The following SMG1 variants were observed in gnomAD, a reference collection of about 807,000 sequenced individuals.
The protein encoded by SMG1 is SMG1 nonsense mediated mRNA decay associated PI3K related kinase, also known as serine/threonine-protein kinase SMG1.
SMG1 carries 22 observed loss-of-function variants against 419.9 expected under a neutral mutation model. The ratio of observed to expected loss-of-function variants is 0.05; its 90% confidence interval spans 0.04 to 0.07. SMG1 has a LOEUF of 0.07. SMG1 is among the 10% of genes least tolerant of loss of function. SMG1 has a pLI of 1.00. For synonymous variants in SMG1, 1,538 were observed against 1,553.5 expected (o/e 0.99, Z 0.23); for missense variants, 3,185 against 4,342.0 (o/e 0.73, Z 7.49).
At chr16:18,903,744 T>C (rs2037441173) in intron 1 of SMG1, among the ~76,000 whole-genome samples, 1 of 152,138 alleles carries the variant, frequency 6.6e-6, no homozygotes, top group Non-Finnish European at 1.5e-5. Context: ...CCCAGTACTG[T>C]CTAATGTTTG....
intron 29 of SMG1, 68 bp downstream of exon 29, chr16:18,858,102 C>T (rs1218716353): frequency 2.1e-6 from 3 of 1,400,428 alleles, no homozygotes; most frequent in Admixed American, 2.4e-5. Context: ...TAATATAAAC[C>T]TCAATAAAGC....
intron 10 of SMG1, among the ~76,000 whole-genome samples, chr16:18,881,764 CAT>C (rs1199302516): frequency 6.6e-6 from 1 of 152,138 alleles, no homozygotes; most frequent in African/African-American, 2.4e-5. Context: ...TACAAGTTTT[CAT>C]ATGAGTTCCA....
intron 1 of SMG1, among the ~76,000 whole-genome samples, chr16:18,910,232 ATTT>A (rs34246490): frequency 1.5e-5 from 2 of 136,498 alleles, no homozygotes; most frequent in African/African-American, 2.7e-5. Flanking sequence ...ATGCCCAGCT[ATTT>A]TTTTTTTTTT....
Position 18,874,992 on chromosome 16 carries a change from G to C in SMG1, c.1890+1132C>G, listed in dbSNP as rs562674081. On this transcript the variant is annotated intron_variant, in intron 13 of 62. Transcript: ENST00000446231. Reference sequence around the variant, plus strand: ...TGGGACCAGAAGTGTTTCAGACTTTGTATATTTTTGGATTTGAGAATACTT... The same window carrying C: ...TGGGACCAGAAGTGTTTCAGACTTTCTATATTTTTGGATTTGAGAATACTT... 3 of 131,734 alleles carry C rather than the reference G, an allele frequency of 2.3e-5. No homozygotes were observed. In the South Asian group the frequency reaches 7.6e-4, roughly 34 times the overall value. The allele number at this position is 131,734 out of a possible 1,614,324, so 8.2% of individuals were successfully genotyped here.
chr16:18,836,322 T>C (rs1216551409), intron 47 of SMG1, 38 bp downstream of exon 47: 13 of 1,602,486 alleles, frequency 8.1e-6, no homozygotes, highest in South Asian at 1.1e-5. Flanking sequence ...ATAAAACTCA[T>C]AGTTTCACAT....
intron 1 of SMG1, chr16:18,899,885 G>C (rs1407581971): frequency 1.5e-6 from 1 of 688,008 alleles, no homozygotes; most frequent in African/African-American, 1.8e-5. Context: ...AAATATCATG[G>C]AGAGAAAAAA....
At chr16:18,869,017 T>C (rs2035669922) in intron 20 of SMG1, 87 bp downstream of exon 20, 2 of 1,225,108 alleles carry the variant, frequency 1.6e-6, no homozygotes, top group East Asian at 2.3e-5. Flanking sequence ...AATCATATAC[T>C]CTCAAATCTT....
At position 18,816,296 on chromosome 16, in the gene SMG1, T is replaced by C; in HGVS notation, c.10302+6A>G. ...AGTAAATGTGTGTTCATGGTATTAG[T>C]CTTACCTTAGCCATAGCTTTCAAGA... On this transcript the variant is annotated splice_donor_region_variant and intron_variant, in intron 58 of 62. Transcript: ENST00000446231. 6.2e-7 allele frequency: 1 copy of C among 1,610,304 alleles called. No homozygotes were observed. Among genetic ancestry groups the C allele is most frequent in the Non-Finnish European group, 8.5e-7 (1 of 1,176,952 alleles).
intron 45 of SMG1, 135 bp from the exon 46 acceptor site, chr16:18,837,578 A>C (rs981667747): frequency 1.4e-6 from 1 of 692,986 alleles, no homozygotes; most frequent in African/African-American, 1.8e-5. Flanking sequence ...CCTCCACTGT[A>C]CAAAAACAAC....
intron 6 of SMG1, among the ~76,000 whole-genome samples, chr16:18,889,159 T>C (rs527958838): frequency 1.2e-4 from 18 of 152,248 alleles, no homozygotes; most frequent in African/African-American, 4.1e-4. Context: ...CTCTCCCTCT[T>C]TCTCCACATA....
intron 23 of SMG1, among the ~76,000 whole-genome samples, chr16:18,865,531 C>T (rs1283600091): frequency 7.5e-6 from 1 of 133,204 alleles, no homozygotes; most frequent in Non-Finnish European, 1.5e-5. Flanking sequence ...ATATTAAGTG[C>T]TACGGTACAT....
intron 59 of SMG1, 27 bp from the exon 60 acceptor site, chr16:18,815,308 T>C: frequency 6.5e-7 from 1 of 1,544,366 alleles, no homozygotes; most frequent in Non-Finnish European, 8.8e-7. Flanking sequence ...AATGGCTTAT[T>C]TACGAAATGT....
chr16:18,818,904 G>T (rs1240933562), intron 56 of SMG1, among the ~76,000 whole-genome samples: 1 of 150,310 alleles, frequency 6.7e-6, no homozygotes, highest in Non-Finnish European at 1.5e-5. Flanking sequence ...GGAACCTCTG[G>T]CTCCCAGGTT....
At chr16:18,834,610 C>G (rs1307206186) in intron 49 of SMG1, among the ~76,000 whole-genome samples, 172 bp from the exon 50 acceptor site, 11 of 152,134 alleles carry the variant, frequency 7.2e-5, no homozygotes, top group Admixed American at 7.2e-4. Context: ...AACCCCATCT[C>G]TACCAAAAAA....
At position 18,830,334 on chromosome 16, in the gene SMG1, G is replaced by T; in HGVS notation, c.8828C>A (p.Pro2943Gln). ...TGTTTCATCAACTGAACCATTTCTC[G>T]GTTGGATTAATTCACCGTACTGAGC... ...LHAQYGELIQ[P>Q]RNGSVDETPK... Residue 2943 changes from proline (P) to glutamine (Q), a missense_variant, in exon 52 of 63, where the codon CCG becomes CAG. Pro to Gln is a moderately conservative substitution (Grantham distance 76). Transcript: ENST00000446231. 1 of 1,613,840 alleles carries T rather than the reference G, an allele frequency of 6.2e-7. No homozygotes were observed. Among genetic ancestry groups the T allele is most frequent in the African/African-American group, 1.3e-5 (1 of 74,998 alleles).
intron 36 of SMG1, among the ~76,000 whole-genome samples, chr16:18,848,444 T>C (rs1001730116): frequency 6.6e-6 from 1 of 151,884 alleles, no homozygotes. Context: ...GCCTCCTGAA[T>C]AGCTGGGACT....
chr16:18,908,301 G>C (rs535977011), intron 1 of SMG1, among the ~76,000 whole-genome samples: 1 of 150,824 alleles, frequency 6.6e-6, no homozygotes, highest in Admixed American at 6.6e-5. Context: ...AGAGGCGGAG[G>C]TTGCAGTGAG....
intron 1 of SMG1, among the ~76,000 whole-genome samples, chr16:18,907,605 T>C (rs1230757236): frequency 1.3e-5 from 2 of 152,028 alleles, no homozygotes; most frequent in Non-Finnish European, 2.9e-5. Context: ...ATCCCAGCAC[T>C]TTGGGAGGCC....
chr16:18,903,536 C>A (rs1404866449), intron 1 of SMG1, among the ~76,000 whole-genome samples: 1 of 152,188 alleles, frequency 6.6e-6, no homozygotes, highest in Admixed American at 6.5e-5. Context: ...GAAGTAGAAG[C>A]CATTTGACAA....
Sources: allele counts gnomAD v4.1 joint callset (sites outside exome capture counted in the v4.1 genomes callset), GRCh38; gene constraint gnomAD v4.1.1; transcripts MANE v1.5; gene names NCBI Gene and HGNC (gene_info 2026-07-23, HGNC 2026-07-21).